Variants in AGK observed in about 807,000 individuals in gnomAD.
The protein encoded by AGK is acylglycerol kinase.
AGK carries 52 observed loss-of-function variants against 66.4 expected under a neutral mutation model. That is an observed-to-expected ratio of 0.78 (90% confidence interval 0.63 to 0.99). AGK has a LOEUF of 0.99. Ranked by LOEUF, AGK falls within the 50% of genes least tolerant of loss-of-function variation. AGK has a pLI of 0.00. For synonymous variants in AGK, 182 were observed against 181.1 expected (o/e 1.00, Z -0.04); for missense variants, 451 against 506.6 (o/e 0.89, Z 1.05).
Position 141,555,305 on chromosome 7 carries a change from C to A in AGK, c.-14-148C>A. 1.9e-6 allele frequency: 1 copy of A among 534,236 alleles called. No homozygotes were observed. The allele number at this position is 534,236 out of a possible 1,614,324, so 33.1% of individuals were successfully genotyped here. Reference sequence around the variant, plus strand: ...TAGAAGGGAGAAGATGAGCTGAGGCCAGAGGAGAAGTGGTAAGGAGGAAGA... The same window carrying A: ...TAGAAGGGAGAAGATGAGCTGAGGCAAGAGGAGAAGTGGTAAGGAGGAAGA... On this transcript the variant is annotated intron_variant, in intron 1 of 15. Coordinates refer to ENST00000649286, the MANE Select transcript of AGK (RefSeq NM_018238.4). The surrounding 1 kb of genome is among the most constrained non-coding windows in gnomAD (Gnocchi z 4.2).
intron 9 of AGK, among the ~76,000 whole-genome samples, chr7:141,627,365 G>T (rs1383358054): frequency 2.6e-5 from 4 of 152,092 alleles, no homozygotes; most frequent in Non-Finnish European, 5.9e-5. Context: ...TGAGCCCCAT[G>T]TTCTTAGATT....
In AGK at chr7:141,652,910, A is replaced by T; in HGVS notation, c.1255A>T (p.Ser419Cys). The change falls in exon 16 of 16, where the codon AGC becomes TGC. Residue 419 changes from serine to cysteine, a missense_variant. Transcript: ENST00000649286. ...TAGGAAGAGAGAACAGATGCTCACA[A>T]GCCCCACCCAGTGAGCAGCAGAAGA... ...DPRKREQMLTSPTQ is the reference protein window; with the variant it reads ...DPRKREQMLTCPTQ 6.2e-7 allele frequency: 1 copy of T among 1,613,984 alleles called. No homozygotes were observed. Among genetic ancestry groups the T allele is most frequent in the East Asian group, 2.2e-5 (1 of 44,868 alleles).
chr7:141,555,621 A>G lies in AGK; in HGVS notation c.101+54A>G. ...TTGCATCTGCAGCAAAACAGCCCCA[A>G]AGGGCCTCAGGTTAAAATCTTGCTC... On this transcript the variant is annotated intron_variant, in intron 2 of 15. Transcript: ENST00000649286. The surrounding 1 kb of genome is among the most constrained non-coding windows in gnomAD (Gnocchi z 4.2). 3.7e-6 allele frequency: 5 copies of G among 1,340,766 alleles called. No homozygotes were observed. Among genetic ancestry groups the G allele is most frequent in the Non-Finnish European group, 5.3e-6 (5 of 942,604 alleles). The allele number at this position is 1,340,766 out of a possible 1,614,324, so 83.1% of individuals were successfully genotyped here.
intron 2 of AGK, among the ~76,000 whole-genome samples, chr7:141,559,652 A>G (rs1795294188): frequency 6.6e-6 from 1 of 152,176 alleles, no homozygotes; most frequent in African/African-American, 2.4e-5. Context: ...AAAAAATGCC[A>G]TTGGGATTGC....
chr7:141,579,558 G>A (rs1394822718), intron 2 of AGK, among the ~76,000 whole-genome samples: 2 of 151,964 alleles, frequency 1.3e-5, no homozygotes, highest in Admixed American at 1.3e-4. Flanking sequence ...AGGCATGTGA[G>A]TAAGGTTAAT....
At chr7:141,562,816 C>T (rs1795378879) in intron 2 of AGK, among the ~76,000 whole-genome samples, 1 of 152,246 alleles carries the variant, frequency 6.6e-6, no homozygotes. Flanking sequence ...GGCCATGCTT[C>T]TCGCTGTCTG....
chr7:141,568,384 G>T (rs901158229), intron 2 of AGK, among the ~76,000 whole-genome samples: 1 of 152,074 alleles, frequency 6.6e-6, no homozygotes, highest in Non-Finnish European at 1.5e-5. Context: ...GTCTGTCTCC[G>T]CATGATTTTG....
At chr7:141,552,697 T>A (rs1301422619) in intron 1 of AGK, among the ~76,000 whole-genome samples, 1 of 152,150 alleles carries the variant, frequency 6.6e-6, no homozygotes, top group Non-Finnish European at 1.5e-5. Flanking sequence ...TTCCCACTTT[T>A]CTCCCCTGAA....
intron 2 of AGK, among the ~76,000 whole-genome samples, chr7:141,584,462 G>A (rs528748616): frequency 1.3e-5 from 2 of 152,330 alleles, no homozygotes; most frequent in African/African-American, 2.4e-5. Context: ...AATCTTAAAT[G>A]TATTGATTGC....
chr7:141,575,827 A>G (rs1795725878), intron 2 of AGK, among the ~76,000 whole-genome samples: 1 of 152,068 alleles, frequency 6.6e-6, no homozygotes, highest in Non-Finnish European at 1.5e-5. Flanking sequence ...TCTGGGGTGA[A>G]TCACAATCTC....
At chr7:141,586,599 T>A (rs915739023) in intron 2 of AGK, among the ~76,000 whole-genome samples, 9 of 152,238 alleles carry the variant, frequency 5.9e-5, no homozygotes, top group African/African-American at 2.2e-4. Flanking sequence ...AAAGCAGTTT[T>A]TGTGTGGTGG....
chr7:141,563,112 CTTCTTTCAAAGCATCTGTGAA>C (rs1488822337), intron 2 of AGK, among the ~76,000 whole-genome samples: 1 of 152,198 alleles, frequency 6.6e-6, no homozygotes, highest in African/African-American at 2.4e-5. Context: ...CAGTGTGTTG[CTTCTTTCAAAGCATCTGTGAA>C]TTCTTTCAGT....
At chr7:141,617,735 AT>A (rs1162998317) in intron 8 of AGK, among the ~76,000 whole-genome samples, 1 of 152,240 alleles carries the variant, frequency 6.6e-6, no homozygotes, top group Non-Finnish European at 1.5e-5. Flanking sequence ...AAAATTTAAT[AT>A]AAAAAGACTT....
At position 141,633,998 on chromosome 7, in the gene AGK, T is replaced by C; in HGVS notation, c.668+18T>C. The C allele has an allele frequency of 6.3e-7, 1 of 1,593,006 alleles. No homozygotes were observed. Among genetic ancestry groups the C allele is most frequent in the South Asian group, 1.1e-5 (1 of 90,620 alleles). On this transcript the variant is annotated intron_variant, in intron 10 of 15. Coordinates refer to ENST00000649286, the MANE Select transcript of AGK (RefSeq NM_018238.4). The stretch of plus-strand genomic sequence containing the variant: ...GTTAGCAAGTAAAGGATTACTATAT[T>C]GATGTGTGATGTTTTTTAAAAAAAT...
intron 13 of AGK, among the ~76,000 whole-genome samples, chr7:141,645,417 TCTAA>T (rs1240505025): frequency 6.6e-6 from 1 of 152,208 alleles, no homozygotes; most frequent in Non-Finnish European, 1.5e-5. Flanking sequence ...TATTAATTAT[TCTAA>T]CTTTCTTTCA....
intron 7 of AGK, among the ~76,000 whole-genome samples, chr7:141,614,399 T>G (rs562598218): frequency 6.6e-6 from 1 of 152,308 alleles, no homozygotes; most frequent in African/African-American, 2.4e-5. Context: ...CCAATAACTT[T>G]GACAATGGTT....
At chr7:141,589,246 C>T (rs1275859668) in intron 2 of AGK, among the ~76,000 whole-genome samples, 4 of 152,264 alleles carry the variant, frequency 2.6e-5, no homozygotes, top group Admixed American at 2.0e-4. Flanking sequence ...TTTTCTGTTA[C>T]CTGATAATGC....
At chr7:141,603,191 T>G (rs1796379806) in intron 5 of AGK, among the ~76,000 whole-genome samples, 1 of 152,148 alleles carries the variant, frequency 6.6e-6, no homozygotes, top group Non-Finnish European at 1.5e-5. Context: ...CTTACTGATT[T>G]TTTCTTCTGT....
In AGK at chr7:141,646,809, T is replaced by C. The variant is rs562657944; in HGVS notation, c.976-2454T>C. ...ATTCTCTGGTTGCTTTCAGCTACTA[T>C]GGCTGAGTTGAATAGCTGTGAGAGA... On this transcript the variant is annotated intron_variant, in intron 13 of 15. Coordinates refer to ENST00000649286, the MANE Select transcript of AGK (RefSeq NM_018238.4). Among the ~76,000 whole-genome samples, 4 of 152,348 alleles carry C rather than the reference T, an allele frequency of 2.6e-5. No homozygotes were observed. In the South Asian group the frequency reaches 6.2e-4, roughly 24 times the overall value.
Sources: gnomAD v4.1 joint callset for allele counts (sites outside exome capture counted in the v4.1 genomes callset) on GRCh38, gnomAD v4.1.1 for gene constraint, Gnocchi (gnomAD v3.1) non-coding constraint, MANE v1.5 for transcripts, NCBI Gene and HGNC (gene_info 2026-07-23, HGNC 2026-07-21) for gene names.